Variants in SLC39A11 observed in about 807,000 individuals in gnomAD.
SLC39A11 encodes the protein solute carrier family 39 member 11.
SLC39A11 carries 33 observed loss-of-function variants against 36.1 expected under a neutral mutation model. The observed-to-expected ratio is 0.91, with a 90% CI of 0.69 to 1.22. The LOEUF (loss-of-function observed/expected upper bound fraction) is 1.22, where lower values mean the gene tolerates loss of function less well. Among genes scored for constraint, SLC39A11 ranks in the 50% most tolerant of loss-of-function variants. SLC39A11 has a pLI of 0.00. For missense variants in SLC39A11, 432 were observed against 430.3 expected, an observed-to-expected ratio of 1.00 and a Z score of -0.03; for synonymous variants, 166 against 170.3, an observed-to-expected ratio of 0.97 and a Z score of 0.20.
At chr17:72,683,466 G>T (rs1436489340) in intron 7 of SLC39A11, among the ~76,000 whole-genome samples, 1 of 151,750 alleles carries the variant, frequency 6.6e-6, no homozygotes. Context: ...CCCTAGGGTA[G>T]CTGGGACTAC....
rs576544067 is a variant in SLC39A11 at position 72,657,424 on chromosome 17, G to A, written c.672-8156C>T. Among the ~76,000 whole-genome samples, 90 of 152,324 alleles carry A rather than the reference G, an allele frequency of 5.9e-4. 1 individual carries two copies. The highest frequency in any genetic ancestry group is 2.0e-3 in the African/African-American group (82 of 41,574). ...TAAAAATAAACATCAAGGAGGAGCA[G>A]AGATGGAAGAGAGAATGGCAAGAAG... is the stretch of plus-strand genomic sequence containing the variant. On this transcript the variant is annotated intron_variant, in intron 7 of 9. Transcript: ENST00000255559.
intron 4 of SLC39A11, among the ~76,000 whole-genome samples, chr17:72,962,365 G>C (rs1186660067): frequency 1.3e-5 from 2 of 152,144 alleles, no homozygotes; most frequent in Non-Finnish European, 2.9e-5. Flanking sequence ...GAAGACAGTG[G>C]CTGGGGCTTT....
chr17:72,828,084 G>A lies in SLC39A11; in HGVS notation c.601+21550C>T, dbSNP rs531425379. Among the ~76,000 whole-genome samples, 11 of 152,350 alleles carry A rather than the reference G, an allele frequency of 7.2e-5. No homozygotes were observed. In the East Asian group the frequency reaches 2.1e-3, roughly 29 times the overall value. ...TGATAGTGGTCCTCTGGCCACAACT[G>A]TGCCAAAATAAAATAATACATGCTA... On this transcript the variant is annotated intron_variant, in intron 6 of 9. Coordinates refer to ENST00000255559, the MANE Select transcript of SLC39A11 (RefSeq NM_139177.4).
chr17:72,937,868 T>A (rs2084870905), intron 5 of SLC39A11, among the ~76,000 whole-genome samples: 1 of 152,176 alleles, frequency 6.6e-6, no homozygotes, highest in Non-Finnish European at 1.5e-5. Context: ...ATCTAAGAGC[T>A]GTAAGAGACC....
At position 72,948,442 on chromosome 17, in the gene SLC39A11, C is replaced by A. The variant is rs539668144; in HGVS notation, c.307-567G>T. ...GGGCAAATGAGCAATGAAGTTGGTT[C>A]CTGATCTATCAAAAGAAGTCCATAT... is the stretch of plus-strand genomic sequence containing the variant. On this transcript the variant is annotated intron_variant, in intron 4 of 9. Transcript: ENST00000255559. Among the ~76,000 whole-genome samples, 8 of 152,290 alleles carry A rather than the reference C, an allele frequency of 5.3e-5. No individual in the cohort carries two copies. The South Asian group carries it at 1.2e-3, about 24-fold the overall frequency.
intron 7 of SLC39A11, among the ~76,000 whole-genome samples, chr17:72,655,619 C>G (rs533430939): frequency 2.0e-5 from 3 of 152,174 alleles, no homozygotes; most frequent in Non-Finnish European, 4.4e-5. Context: ...CCCTGCTATT[C>G]GAATTCCCAA....
intron 7 of SLC39A11, among the ~76,000 whole-genome samples, chr17:72,662,330 AAGAGAGAGGG>A: frequency 6.6e-6 from 1 of 151,348 alleles, no homozygotes; most frequent in African/African-American, 2.4e-5. Flanking sequence ...GAAAGAAAGA[AAGAGAGAGGG>A]AGAGAGAGAA....
chr17:72,851,153 T>C (rs1344575709), intron 5 of SLC39A11, among the ~76,000 whole-genome samples: 1 of 152,134 alleles, frequency 6.6e-6, no homozygotes, highest in African/African-American at 2.4e-5. Context: ...TCATGGGCCA[T>C]CCGTAGCACC....
intron 5 of SLC39A11, among the ~76,000 whole-genome samples, chr17:72,884,159 A>G (rs770303602): frequency 3.5e-4 from 53 of 152,082 alleles, no homozygotes; most frequent in African/African-American, 8.5e-4. Flanking sequence ...GTCTCCAAAA[A>G]AAAGAAAGAA....
intron 7 of SLC39A11, among the ~76,000 whole-genome samples, chr17:72,701,690 T>A (rs1461308436): frequency 1.6e-5 from 2 of 126,420 alleles, no homozygotes; most frequent in South Asian, 4.9e-4. Context: ...GTTGTACCAC[T>A]GTACTCCAGC....
chr17:72,752,338 G>A (rs1030224859), intron 6 of SLC39A11, among the ~76,000 whole-genome samples: 7 of 152,058 alleles, frequency 4.6e-5, no homozygotes, highest in African/African-American at 9.7e-5. Context: ...TCCGCCTCCC[G>A]GGTTCCAGCA....
intron 6 of SLC39A11, among the ~76,000 whole-genome samples, chr17:72,737,665 T>C (rs1324302269): frequency 2.0e-5 from 3 of 152,138 alleles, no homozygotes; most frequent in Admixed American, 2.0e-4. Context: ...CTCAATTACA[T>C]CCTAGGCAAG....
intron 5 of SLC39A11, among the ~76,000 whole-genome samples, chr17:72,912,564 A>G (rs1215956646): frequency 1.2e-5 from 1 of 85,926 alleles, no homozygotes; most frequent in East Asian, 2.6e-4. Flanking sequence ...CCTCCCAAAG[A>G]GCTGGGAGCC....
chr17:72,912,078 T>C (rs912922486), intron 5 of SLC39A11, among the ~76,000 whole-genome samples: 3 of 152,260 alleles, frequency 2.0e-5, no homozygotes, highest in Middle Eastern at 3.4e-3. Context: ...ATGAAAGATG[T>C]TACCCAAGGA....
At position 72,729,436 on chromosome 17, in the gene SLC39A11, TATATATA is replaced by T. The variant is rs1567994865; in HGVS notation, c.671+7207_671+7213del. Among the ~76,000 whole-genome samples the T allele has an allele frequency of 4.9e-3, 17 of 3,496 alleles. 2 individuals carry two copies. The highest frequency in any genetic ancestry group is 0.011 in the East Asian group (3 of 262). 2.3% of individuals were successfully genotyped at this position (3,496 alleles called of 152,430 possible). A position where few individuals can be genotyped will look rare whatever the true frequency, so the allele number is the denominator to read the frequency against. ...ATATATATATATATATATATATATA[TATATATA>T]TATATATATATATATTTTTTTTTTT... On this transcript the variant is annotated intron_variant, in intron 7 of 9. Transcript: ENST00000255559.
chr17:72,998,478 A>G lies in SLC39A11; in HGVS notation c.306+33078T>C, dbSNP rs552713000. On this transcript the variant is annotated intron_variant, in intron 4 of 9. Transcript: ENST00000255559. ...CTCACCTCCATTATAGACAGTAATT[A>G]CCACTCTGTAATTGCTTGTTTATAT... Among the ~76,000 whole-genome samples the G allele has an allele frequency of 6.6e-5, 10 of 152,310 alleles. No individual in the cohort carries two copies. In the South Asian group the frequency reaches 2.1e-3, roughly 32 times the overall value.
intron 4 of SLC39A11, among the ~76,000 whole-genome samples, chr17:73,009,880 C>T (rs947268733): frequency 2.0e-5 from 3 of 151,550 alleles, no homozygotes; most frequent in East Asian, 2.0e-4. Context: ...AATGCTATCC[C>T]TCCCCACTCC....
At chr17:72,720,899 A>G (rs931660066) in intron 7 of SLC39A11, among the ~76,000 whole-genome samples, 7 of 152,102 alleles carry the variant, frequency 4.6e-5, no homozygotes, top group Admixed American at 3.3e-4. Context: ...AACACATACA[A>G]TGAGGTATGA....
chr17:73,007,044 A>G (rs1419779300), intron 4 of SLC39A11, among the ~76,000 whole-genome samples: 3 of 152,230 alleles, frequency 2.0e-5, no homozygotes, highest in African/African-American at 7.2e-5. Flanking sequence ...CCACTGCCCA[A>G]GGAGCCTACA....
Sources: allele counts gnomAD v4.1 joint callset (sites outside exome capture counted in the v4.1 genomes callset), GRCh38; gene constraint gnomAD v4.1.1; transcripts MANE v1.5; gene names NCBI Gene and HGNC (gene_info 2026-07-23, HGNC 2026-07-21).